Variants in SH3RF3 observed in about 807,000 individuals in gnomAD.
The protein encoded by SH3RF3 is SH3 domain containing ring finger 3.
Under a neutral mutation model 66.3 loss-of-function variants are expected in SH3RF3, and 29 were observed. The ratio of observed to expected loss-of-function variants is 0.44; its 90% CI spans 0.33 to 0.60. SH3RF3 has a LOEUF of 0.60. SH3RF3 is among the 20% of genes least tolerant of loss of function. SH3RF3 has a pLI of 0.04. For synonymous variants in SH3RF3, 583 were observed against 532.0 expected (o/e 1.10, Z -1.32); for missense variants, 1,194 against 1,190.9 (o/e 1.00, Z -0.04).
chr2:109,474,292 C>T lies in SH3RF3; in HGVS notation c.2149-16313C>T, dbSNP rs116364338. On this transcript the variant is annotated intron_variant, in intron 8 of 9. Transcript: ENST00000309415. Reference sequence around the variant, plus strand: ...GGGAGAAAGAGCTGAAGTTTTGAGCCGGACAGTTAGTTATGTGTCAGGCTG... The same window carrying T: ...GGGAGAAAGAGCTGAAGTTTTGAGCTGGACAGTTAGTTATGTGTCAGGCTG... Among the ~76,000 whole-genome samples the T allele has an allele frequency of 3.7e-3, 569 of 152,182 alleles. 7 individuals carry two copies. Among genetic ancestry groups the T allele is most frequent in the African/African-American group, 0.013 (538 of 41,512 alleles).
chr2:109,343,974 C>T (rs528484352), intron 1 of SH3RF3, among the ~76,000 whole-genome samples: 1 of 152,194 alleles, frequency 6.6e-6, no homozygotes, highest in Admixed American at 6.5e-5. Flanking sequence ...AAACTCCTGG[C>T]CTCAAGTGAT....
At chr2:109,202,106 C>T (rs1477570297) in intron 1 of SH3RF3, among the ~76,000 whole-genome samples, 2 of 152,214 alleles carry the variant, frequency 1.3e-5, no homozygotes, top group African/African-American at 2.4e-5. Flanking sequence ...GAGGCGATCT[C>T]GGCCACTTTC....
At chr2:109,437,601 C>T (rs1186945739) in intron 7 of SH3RF3, among the ~76,000 whole-genome samples, 1 of 152,204 alleles carries the variant, frequency 6.6e-6, no homozygotes, top group East Asian at 1.9e-4. Flanking sequence ...CCCAGCTAGG[C>T]GGCATCTCAC....
chr2:109,230,106 G>A (rs1460802101), intron 1 of SH3RF3, among the ~76,000 whole-genome samples: 5 of 151,970 alleles, frequency 3.3e-5, no homozygotes, highest in Non-Finnish European at 7.4e-5. Context: ...TTACAGGTGC[G>A]AGCCACCGCA....
At chr2:109,197,124 G>A (rs1226665850) in intron 1 of SH3RF3, among the ~76,000 whole-genome samples, 1 of 152,220 alleles carries the variant, frequency 6.6e-6, no homozygotes. Flanking sequence ...CAGAGGTTGG[G>A]TTTGAACCTG....
chr2:109,336,892 T>C (rs909329760), intron 1 of SH3RF3, among the ~76,000 whole-genome samples: 3 of 152,142 alleles, frequency 2.0e-5, no homozygotes, highest in African/African-American at 7.2e-5. Flanking sequence ...GCTCAGTTCC[T>C]CCTGTCCCAG....
chr2:109,412,794 C>G (rs1295894213), intron 4 of SH3RF3, among the ~76,000 whole-genome samples: 3 of 152,256 alleles, frequency 2.0e-5, no homozygotes, highest in Non-Finnish European at 4.4e-5. Flanking sequence ...CAAAAGGCAA[C>G]TCCCCAAAGG....
At chr2:109,349,328 T>G (rs1379885141) in intron 2 of SH3RF3, among the ~76,000 whole-genome samples, 2 of 152,240 alleles carry the variant, frequency 1.3e-5, no homozygotes, top group African/African-American at 4.8e-5. Flanking sequence ...TCTCCCTTCC[T>G]TTTATCAAGG....
chr2:109,438,524 A>C (rs542932849), intron 7 of SH3RF3, among the ~76,000 whole-genome samples: 2 of 152,232 alleles, frequency 1.3e-5, no homozygotes, highest in Non-Finnish European at 2.9e-5. Flanking sequence ...CTACTCTGCC[A>C]TCTCAGATTC....
Position 109,255,004 on chromosome 2 carries a change from A to G in SH3RF3, c.574-92670A>G, listed in dbSNP as rs190924510. On this transcript the variant is annotated intron_variant, in intron 1 of 9. Coordinates refer to ENST00000309415, the MANE Select transcript of SH3RF3 (RefSeq NM_001099289.3). ...TCAGGTTAGGTTACTCCATTAGATC[A>G]TTTGTATCTGGAAAGAACAGGGATG... 1.1e-3 allele frequency among the ~76,000 whole-genome samples: 167 copies of G among 152,236 alleles called. 1 individual carries two copies. The highest frequency in any genetic ancestry group is 3.7e-3 in the African/African-American group (155 of 41,546).
intron 1 of SH3RF3, among the ~76,000 whole-genome samples, chr2:109,243,520 G>GT (rs1319458601): frequency 6.6e-6 from 1 of 152,158 alleles, no homozygotes; most frequent in African/African-American, 2.4e-5. Flanking sequence ...AAAGTCAGAT[G>GT]GGGCAGGTGA....
rs368151628 is a variant in SH3RF3 at position 109,288,472 on chromosome 2, T to A, written c.574-59202T>A. ...CAGAAAGTATGAGAGCCCACAGAGA[T>A]GTCATTAAGGAAATTATTTCCTCCC... On this transcript the variant is annotated intron_variant, in intron 1 of 9. Coordinates refer to ENST00000309415, the MANE Select transcript of SH3RF3 (RefSeq NM_001099289.3). Among the ~76,000 whole-genome samples, 3 of 152,192 alleles carry A rather than the reference T, an allele frequency of 2.0e-5. No individual in the cohort carries two copies. In the South Asian group the frequency reaches 6.2e-4, roughly 32 times the overall value.
At chr2:109,249,513 CTTTCTTTTT>C (rs1680014824) in intron 1 of SH3RF3, among the ~76,000 whole-genome samples, 1 of 43,622 alleles carries the variant, frequency 2.3e-5, no homozygotes, top group Non-Finnish European at 4.3e-5. Flanking sequence ...TTCTTTCATT[CTTTCTTTTT>C]CTTTCTTTCT....
chr2:109,486,572 C>T (rs1365327084), intron 8 of SH3RF3, among the ~76,000 whole-genome samples: 1 of 152,230 alleles, frequency 6.6e-6, no homozygotes, highest in Non-Finnish European at 1.5e-5. Context: ...TTTAAAAGCG[C>T]TCCTATAGCT....
chr2:109,493,135 C>A lies in SH3RF3; in HGVS notation c.2480+2199C>A, dbSNP rs1411873157. Among the ~76,000 whole-genome samples, 221 of 110,352 alleles carry A rather than the reference C, an allele frequency of 2.0e-3. 2 individuals are homozygous for A. The highest frequency in any genetic ancestry group is 6.8e-3 in the African/African-American group (212 of 30,952). 72.4% of individuals were successfully genotyped at this position (110,352 alleles called of 152,430 possible). ...GATACATCATATAAACACACATACC[C>A]CACATACATCATACAAAACACATAC... On this transcript the variant is annotated intron_variant, in intron 9 of 9. Coordinates refer to ENST00000309415, the MANE Select transcript of SH3RF3 (RefSeq NM_001099289.3).
At chr2:109,267,791 A>G (rs1254207048) in intron 1 of SH3RF3, among the ~76,000 whole-genome samples, 1 of 152,194 alleles carries the variant, frequency 6.6e-6, no homozygotes, top group Non-Finnish European at 1.5e-5. Context: ...AGCGAGGCCG[A>G]GTCAAGCCCT....
intron 8 of SH3RF3, among the ~76,000 whole-genome samples, chr2:109,473,524 G>A (rs545355469): frequency 6.6e-6 from 1 of 152,316 alleles, no homozygotes; most frequent in Non-Finnish European, 1.5e-5. Flanking sequence ...GCCATGCCAG[G>A]GTTAGAGCGA....
intron 1 of SH3RF3, among the ~76,000 whole-genome samples, chr2:109,292,015 C>T (rs1681195038): frequency 6.6e-6 from 1 of 152,160 alleles, no homozygotes; most frequent in South Asian, 2.1e-4. Flanking sequence ...AGGCGCACGC[C>T]ACCACGCCCA....
intron 4 of SH3RF3, 37 bp from the exon 5 acceptor site, chr2:109,419,502 T>C: frequency 6.5e-7 from 1 of 1,548,094 alleles, no homozygotes; most frequent in South Asian, 1.2e-5. Flanking sequence ...ATGGAGTCTC[T>C]GTCTCCTCAC....
Sources: gnomAD v4.1 joint callset for allele counts (sites outside exome capture counted in the v4.1 genomes callset) on GRCh38, gnomAD v4.1.1 for gene constraint, MANE v1.5 for transcripts, NCBI Gene and HGNC (gene_info 2026-07-23, HGNC 2026-07-21) for gene names.